PTPRN2: variants seen among roughly 807,000 people sequenced by gnomAD.
PTPRN2 encodes receptor-type tyrosine-protein phosphatase N2.
In PTPRN2, 74 loss-of-function variants were observed where a neutral mutation model predicts 118.8. The ratio of observed to expected loss-of-function variants is 0.62; its 90% CI spans 0.52 to 0.76. The LOEUF (loss-of-function observed/expected upper bound fraction) is 0.76, where lower values mean the gene tolerates loss of function less well. Among genes scored for constraint, PTPRN2 ranks in the 30% least tolerant of loss-of-function variants. PTPRN2 has a pLI of 0.00. For missense variants in PTPRN2, 1,481 were observed against 1,394.4 expected (o/e 1.06, Z -0.99); for synonymous variants, 641 against 608.0 (o/e 1.05, Z -0.80).
chr7:158,372,421 C>CGCTGGTCCCCG (rs1810119315), intron 2 of PTPRN2, among the ~76,000 whole-genome samples: 1 of 140,220 alleles, frequency 7.1e-6, no homozygotes, highest in African/African-American at 2.7e-5. Flanking sequence ...GTCCCCCCAA[C>CGCTGGTCCCCG]ACTGGTCCCC....
rs1444522970 is a variant in PTPRN2, at chr7:158,507,142, C to A, written c.113-17357G>T. Reference sequence around the variant, plus strand: ...AGGCATCCATGAGGATCTCTCAGGACCCAGGGCTTGGATGTGGGGCAAGGA... The same window carrying A: ...AGGCATCCATGAGGATCTCTCAGGAACCAGGGCTTGGATGTGGGGCAAGGA... On this transcript the variant is annotated intron_variant, in intron 1 of 22. Coordinates refer to ENST00000389418, the MANE Select transcript of PTPRN2 (RefSeq NM_002847.5). 5.3e-5 allele frequency among the ~76,000 whole-genome samples: 8 copies of A among 152,198 alleles called. No individual in the cohort carries two copies. In the South Asian group the frequency reaches 1.7e-3, roughly 32 times the overall value.
chr7:158,318,631 A>G (rs7782906), intron 2 of PTPRN2, among the ~76,000 whole-genome samples: 147,416 of 152,352 alleles, frequency 0.97, 71,371 homozygotes, highest in African/African-American at 0.99. Context: ...ACTCAGCCGC[A>G]GAGCCCGCGA....
At position 158,310,970 on chromosome 7, in the gene PTPRN2, C is replaced by T. The variant is rs571529587; in HGVS notation, c.277+5849G>A. ...GAGCCAGACGTTCTCCCTCCCCAACCCCACACCACACATCTGCCTGGAGGT... is the reference window on the plus strand; with the variant it reads ...GAGCCAGACGTTCTCCCTCCCCAACTCCACACCACACATCTGCCTGGAGGT... On this transcript the variant is annotated intron_variant, in intron 3 of 22. Coordinates refer to ENST00000389418, the MANE Select transcript of PTPRN2 (RefSeq NM_002847.5). Among the ~76,000 whole-genome samples, 179 of 152,354 alleles carry T rather than the reference C, an allele frequency of 1.2e-3. 2 individuals carry two copies. The highest frequency in any genetic ancestry group is 3.4e-3 in the Middle Eastern group (1 of 294).
chr7:158,095,164 A>G (rs567164898), intron 10 of PTPRN2, among the ~76,000 whole-genome samples: 1 of 152,032 alleles, frequency 6.6e-6, no homozygotes, highest in South Asian at 2.1e-4. Flanking sequence ...GCCTCCTGCA[A>G]TCAGCTCATG....
In PTPRN2 at chr7:158,146,833, G is replaced by C. The variant is rs531058115; in HGVS notation, c.911-8318C>G. On this transcript the variant is annotated intron_variant, in intron 6 of 22. Transcript: ENST00000389418. ...CACAGACACACTAAAATGTTTTGGA[G>C]GCCAGAGAGACTTGACCAATGGATA... Among the ~76,000 whole-genome samples the C allele has an allele frequency of 3.4e-4, 52 of 152,088 alleles. 1 individual carries two copies. The South Asian group carries it at 0.01, about 30-fold the overall frequency.
intron 12 of PTPRN2, among the ~76,000 whole-genome samples, chr7:157,734,780 C>T (rs1377488872): frequency 6.6e-6 from 1 of 152,172 alleles, no homozygotes; most frequent in Non-Finnish European, 1.5e-5. Context: ...CCTGGGGATC[C>T]CACATTCAGT....
At position 158,400,474 on chromosome 7, in the gene PTPRN2, G is replaced by A. The variant is rs200093578; in HGVS notation, c.164-83542C>T. 1.5e-4 allele frequency among the ~76,000 whole-genome samples: 23 copies of A among 152,234 alleles called. No individual in the cohort carries two copies. In the East Asian group the frequency reaches 1.7e-3, roughly 12 times the overall value. ...CAAAATCACAGCCATTAAGTCCAAC[G>A]GGATTGCTTTATGGTGGCTCAAGCC... On this transcript the variant is annotated intron_variant, in intron 2 of 22. Coordinates refer to ENST00000389418, the MANE Select transcript of PTPRN2 (RefSeq NM_002847.5).
At chr7:158,098,482 C>T (rs920444065) in intron 10 of PTPRN2, among the ~76,000 whole-genome samples, 2 of 152,184 alleles carry the variant, frequency 1.3e-5, no homozygotes, top group South Asian at 2.1e-4. Flanking sequence ...GCCCTGCTCC[C>T]GGAATGCGGA....
In PTPRN2 at chr7:158,570,741, G is replaced by A. The variant is rs1358699414; in HGVS notation, c.112+16817C>T. Among the ~76,000 whole-genome samples the A allele has an allele frequency of 6.6e-6, 1 of 152,216 alleles. No individual in the cohort carries two copies. Among genetic ancestry groups the A allele is most frequent in the Non-Finnish European group, 1.5e-5 (1 of 68,042 alleles). ...AGCCCGCGGAGAAGCTTGAGCCTGTGAGCCCCCGTCTCCGACCACGGACTC... is the reference window on the plus strand; with the variant it reads ...AGCCCGCGGAGAAGCTTGAGCCTGTAAGCCCCCGTCTCCGACCACGGACTC... On this transcript the variant is annotated intron_variant, in intron 1 of 22. Coordinates refer to ENST00000389418, the MANE Select transcript of PTPRN2 (RefSeq NM_002847.5). The surrounding 1 kb of genome is among the most constrained non-coding windows in gnomAD (Gnocchi z 4.5).
At chr7:157,758,617 C>T (rs906935255) in intron 12 of PTPRN2, among the ~76,000 whole-genome samples, 6 of 152,224 alleles carry the variant, frequency 3.9e-5, no homozygotes, top group Admixed American at 2.0e-4. Flanking sequence ...GGTGGGCGGA[C>T]GCAGGGGTCC....
intron 12 of PTPRN2, among the ~76,000 whole-genome samples, chr7:157,844,604 C>T (rs1353332110): frequency 6.6e-6 from 1 of 152,176 alleles, no homozygotes. Flanking sequence ...AAGAGAAGGC[C>T]TTCCACAGCA....
chr7:158,565,228 C>T lies in PTPRN2; in HGVS notation c.112+22330G>A, dbSNP rs1288304636. On this transcript the variant is annotated intron_variant, in intron 1 of 22. Coordinates refer to ENST00000389418, the MANE Select transcript of PTPRN2 (RefSeq NM_002847.5). The surrounding 1 kb of genome is among the most constrained non-coding windows in gnomAD (Gnocchi z 4.6). ...CGTATTTGACTTTTAGAGCTGCAATCTATACAGGCATATTTGTGGCTACAT... is the reference window on the plus strand; with the variant it reads ...CGTATTTGACTTTTAGAGCTGCAATTTATACAGGCATATTTGTGGCTACAT... 1.3e-5 allele frequency among the ~76,000 whole-genome samples: 2 copies of T among 152,206 alleles called. No individual in the cohort carries two copies. The highest frequency in any genetic ancestry group is 2.1e-4 in the South Asian group (1 of 4,830).
chr7:158,042,434 C>G lies in PTPRN2; in HGVS notation c.1723+38864G>C, dbSNP rs140261438. ...GACACAGGGTAGGATCCACGTCACT[C>G]TCTGCAGCACAGGGTAATGCACTCT... On this transcript the variant is annotated intron_variant, in intron 11 of 22. Coordinates refer to ENST00000389418, the MANE Select transcript of PTPRN2 (RefSeq NM_002847.5). 4.1e-3 allele frequency among the ~76,000 whole-genome samples: 630 copies of G among 152,324 alleles called. 6 individuals are homozygous for G. Among genetic ancestry groups the G allele is most frequent in the African/African-American group, 0.015 (608 of 41,574 alleles).
At chr7:158,222,936 C>G (rs1001831347) in intron 3 of PTPRN2, among the ~76,000 whole-genome samples, 1 of 151,726 alleles carries the variant, frequency 6.6e-6, no homozygotes, top group Non-Finnish European at 1.5e-5. Flanking sequence ...AAATCTCTAT[C>G]AAGACTAACA....
At chr7:158,370,068 G>C (rs7799503) in intron 2 of PTPRN2, among the ~76,000 whole-genome samples, 17,728 of 152,152 alleles carry the variant, frequency 0.12, 1,101 homozygotes, top group East Asian at 0.17. Context: ...ATGGGAACGA[G>C]GTGATCAACA....
chr7:158,313,877 C>A (rs78031344), intron 3 of PTPRN2, among the ~76,000 whole-genome samples: 3 of 152,158 alleles, frequency 2.0e-5, no homozygotes, highest in African/African-American at 7.2e-5. Flanking sequence ...TTGGGGAATT[C>A]GGGGCCACTA....
chr7:157,540,995 A>G (rs1277820290), intron 22 of PTPRN2, among the ~76,000 whole-genome samples: 1 of 152,254 alleles, frequency 6.6e-6, no homozygotes, highest in Non-Finnish European at 1.5e-5. Context: ...TCGGTTTGGG[A>G]GACACAACAG....
At chr7:158,188,120 T>G in intron 5 of PTPRN2, among the ~76,000 whole-genome samples, 1 of 150,284 alleles carries the variant, frequency 6.7e-6, no homozygotes, top group South Asian at 2.1e-4. Flanking sequence ...ACGGAAGGGA[T>G]GTCCTAGTGC....
At chr7:157,791,112 T>G (rs976849555) in intron 12 of PTPRN2, among the ~76,000 whole-genome samples, 1 of 152,228 alleles carries the variant, frequency 6.6e-6, no homozygotes, top group Non-Finnish European at 1.5e-5. Context: ...AGTGCATGTA[T>G]GTGTATGAGA....
Sources: gnomAD v4.1 joint callset for allele counts (sites outside exome capture counted in the v4.1 genomes callset) on GRCh38, gnomAD v4.1.1 for gene constraint, Gnocchi (gnomAD v3.1) non-coding constraint, MANE v1.5 for transcripts, NCBI Gene and HGNC (gene_info 2026-07-23, HGNC 2026-07-21) for gene names.